Variants in ERO1B observed in about 807,000 individuals in gnomAD.
ERO1B encodes the protein ERO1-like protein beta.
Under a neutral mutation model 75.3 loss-of-function variants are expected in ERO1B, and 49 were observed. The ratio of observed to expected loss-of-function variants is 0.65; its 90% CI spans 0.52 to 0.83. The LOEUF (loss-of-function observed/expected upper bound fraction) is 0.83, where lower values mean the gene tolerates loss of function less well. Ranked by LOEUF, ERO1B falls within the 40% of genes least tolerant of loss-of-function variation. The pLI is 0.00. For synonymous variants in ERO1B, 191 were observed against 192.9 expected (o/e 0.99, Z 0.08); for missense variants, 512 against 560.1 (o/e 0.91, Z 0.87).
At chr1:236,239,495 C>T (rs778306038) in intron 6 of ERO1B, among the ~76,000 whole-genome samples, 12 of 152,042 alleles carry the variant, frequency 7.9e-5, no homozygotes, top group East Asian at 1.9e-4. Context: ...GAGTGAGCAA[C>T]GTGTGTGGCA....
At chr1:236,220,625 A>C (rs1664112600) in intron 15 of ERO1B, 2 of 360,830 alleles carry the variant, frequency 5.5e-6, no homozygotes, top group Non-Finnish European at 9.7e-6. Flanking sequence ...AAACTGAAAA[A>C]CACTGGCAAT....
intron 12 of ERO1B, 52 bp downstream of exon 12, chr1:236,226,217 C>T (rs368834900): frequency 1.3e-4 from 211 of 1,587,258 alleles, no homozygotes; most frequent in Non-Finnish European, 1.7e-4. Context: ...TAAGTGCTAC[C>T]TCATTTGAAT....
At position 236,281,738 on chromosome 1, in the gene ERO1B, C is replaced by A; in HGVS notation, c.46G>T (p.Ala16Ser). The change falls in exon 1 of 16, where the codon GCC becomes TCC. Residue 16 changes from alanine (A) to serine (S), a missense_variant. Transcript: ENST00000354619. ...RRAGAGQGVA[A>S]AVQLLVTLSF... The stretch of plus-strand genomic sequence containing the variant: ...AGGGTGACCAGCAGCTGCACCGCGG[C>A]CGCTACCCCCTGCCCAGCGCCTGCC... 1 of 1,517,554 alleles carries A rather than the reference C, an allele frequency of 6.6e-7. No homozygotes were observed. 94.0% of individuals were successfully genotyped at this position (1,517,554 alleles called of 1,614,324 possible).
intron 5 of ERO1B, among the ~76,000 whole-genome samples, chr1:236,246,164 A>AT (rs1204260577): frequency 1.7e-4 from 25 of 151,036 alleles, no homozygotes; most frequent in African/African-American, 5.3e-4. Context: ...TATGTACCAA[A>AT]TTTTTTTTTT....
chr1:236,251,239 C>T (rs1283816785), intron 4 of ERO1B, among the ~76,000 whole-genome samples: 1 of 151,788 alleles, frequency 6.6e-6, no homozygotes, highest in Non-Finnish European at 1.5e-5. Context: ...CAATAAATTA[C>T]ATATTACTTG....
intron 5 of ERO1B, among the ~76,000 whole-genome samples, chr1:236,246,248 G>A (rs10924859): frequency 0.052 from 7,965 of 152,068 alleles, 581 homozygotes; most frequent in East Asian, 0.39. Context: ...GCTCATTGCA[G>A]TCTCAAACTC....
At chr1:236,263,001 G>A (rs765922542) in intron 2 of ERO1B, among the ~76,000 whole-genome samples, 8 of 152,136 alleles carry the variant, frequency 5.3e-5, no homozygotes, top group Middle Eastern at 3.4e-3. Context: ...CGACTAACTC[G>A]GAAGGGTTAT....
intron 9 of ERO1B, among the ~76,000 whole-genome samples, chr1:236,230,603 C>G (rs1205738585): frequency 7.8e-6 from 1 of 128,736 alleles, no homozygotes; most frequent in East Asian, 2.3e-4. Context: ...CAGAGTGAGA[C>G]CCTGTCTCAA....
intron 6 of ERO1B, among the ~76,000 whole-genome samples, chr1:236,237,562 C>T (rs981022774): frequency 5.9e-5 from 9 of 152,156 alleles, no homozygotes; most frequent in Admixed American, 5.9e-4. Flanking sequence ...CACATGTATG[C>T]TCATAATACA....
intron 2 of ERO1B, among the ~76,000 whole-genome samples, chr1:236,261,634 C>A (rs940706409): frequency 1.4e-4 from 22 of 152,102 alleles, no homozygotes; most frequent in African/African-American, 5.1e-4. Flanking sequence ...ATGAAAGAAA[C>A]TGAAGACATA....
At chr1:236,233,305 G>A (rs1227176093) in intron 8 of ERO1B, among the ~76,000 whole-genome samples, 1 of 126,046 alleles carries the variant, frequency 7.9e-6, no homozygotes, top group Admixed American at 8.5e-5. Flanking sequence ...GCAAAATTCC[G>A]TCTCAAAAAA....
intron 1 of ERO1B, among the ~76,000 whole-genome samples, chr1:236,272,331 G>A (rs1213182871): frequency 6.6e-6 from 1 of 152,026 alleles, no homozygotes; most frequent in Non-Finnish European, 1.5e-5. Context: ...AACGGTGGAT[G>A]GAATAAAGAA....
intron 1 of ERO1B, among the ~76,000 whole-genome samples, chr1:236,276,356 T>C (rs1665709966): frequency 6.6e-6 from 1 of 152,050 alleles, no homozygotes; most frequent in East Asian, 1.9e-4. Context: ...ATGACTAAGA[T>C]AAAGAGAAGA....
chr1:236,231,725 G>C (rs1664413846), intron 9 of ERO1B, among the ~76,000 whole-genome samples: 1 of 151,778 alleles, frequency 6.6e-6, no homozygotes, highest in African/African-American at 2.4e-5. Flanking sequence ...TAGACGGTGG[G>C]GAATTACTTT....
At position 236,215,961 on chromosome 1, in the gene ERO1B, A is replaced by G. The variant is rs964915446; in HGVS notation, c.*2555T>C. ...TATCGAATAATTCACAATGTTAAAA[A>G]TGTCAAAATAAAACGTTTTGACTTA... On this transcript the variant is annotated 3_prime_UTR_variant, in exon 16 of 16. Transcript: ENST00000354619. 13 of 138,582 alleles carry G rather than the reference A, an allele frequency of 9.4e-5. No individual in the cohort carries two copies. Among genetic ancestry groups the G allele is most frequent in the African/African-American group, 4.1e-4 (13 of 31,672 alleles). 8.6% of individuals were successfully genotyped at this position (138,582 alleles called of 1,614,324 possible).
In ERO1B at chr1:236,217,275, C is replaced by T. The variant is rs1664013432; in HGVS notation, c.*1241G>A. ...GATGCAATCTTCCAAATTGTATCTG[C>T]TGACATTTAAAAAAAATCAAGATTT... is the stretch of plus-strand genomic sequence containing the variant. On this transcript the variant is annotated 3_prime_UTR_variant, in exon 16 of 16. Coordinates refer to ENST00000354619, the MANE Select transcript of ERO1B (RefSeq NM_019891.4). The T allele has an allele frequency of 6.6e-6, 1 of 151,998 alleles. No individual in the cohort carries two copies. Among genetic ancestry groups the T allele is most frequent in the Admixed American group, 6.6e-5 (1 of 15,250 alleles). The allele number at this position is 151,998 out of a possible 1,614,324, so 9.4% of individuals were successfully genotyped here. A position where few individuals can be genotyped will look rare whatever the true frequency, so the allele number is the denominator to read the frequency against.
intron 5 of ERO1B, among the ~76,000 whole-genome samples, chr1:236,244,841 T>C (rs1465445683): frequency 6.6e-6 from 1 of 152,074 alleles, no homozygotes; most frequent in South Asian, 2.1e-4. Flanking sequence ...AGTTTGAAGA[T>C]GGATGCAACA....
chr1:236,218,535 A>T lies in ERO1B; in HGVS notation c.1385T>A (p.Leu462Ter). The T allele has an allele frequency of 7.1e-7, 1 of 1,416,188 alleles. No homozygotes were observed. The highest frequency in any genetic ancestry group is 1.7e-5 in the South Asian group (1 of 60,516). 87.7% of individuals were successfully genotyped at this position (1,416,188 alleles called of 1,614,324 possible). Reference sequence around the variant, plus strand: ...CCTTTATTACCTACTGTGTTGTAATAAGACTTTAAAATTCTGTAAGTCTCT... The same window carrying T: ...CCTTTATTACCTACTGTGTTGTAATTAGACTTTAAAATTCTGTAAGTCTCT... ...SIRDLQNFKV[L>*]LQHSR Residue 462 changes from leucine to a stop codon, truncating the protein, a stop_gained, in exon 16 of 16, where the codon TTA becomes TAA. Coordinates refer to ENST00000354619, the MANE Select transcript of ERO1B (RefSeq NM_019891.4). LOFTEE classifies it high-confidence loss of function.
intron 6 of ERO1B, among the ~76,000 whole-genome samples, chr1:236,237,561 G>A (rs758525687): frequency 5.3e-5 from 8 of 152,142 alleles, no homozygotes; most frequent in Non-Finnish European, 8.8e-5. Flanking sequence ...ACACATGTAT[G>A]CTCATAATAC....
Sources: gnomAD v4.1 joint callset for allele counts (sites outside exome capture counted in the v4.1 genomes callset) on GRCh38, gnomAD v4.1.1 for gene constraint, MANE v1.5 for transcripts, NCBI Gene and HGNC (gene_info 2026-07-23, HGNC 2026-07-21) for gene names.